TFCP2: variants seen among roughly 807,000 people sequenced by gnomAD.
TFCP2 encodes the protein alpha-globin transcription factor CP2.
TFCP2 carries 33 observed loss-of-function variants against 73.4 expected under a neutral mutation model. The ratio of observed to expected loss-of-function variants is 0.45; its 90% confidence interval spans 0.34 to 0.60. The LOEUF (loss-of-function observed/expected upper bound fraction) is 0.60. TFCP2 is among the 20% of genes least tolerant of loss of function. The probability of loss-of-function intolerance (pLI) is 0.01; values close to 1 mark genes in which losing one functional copy is unlikely to be tolerated. For missense variants in TFCP2, 352 were observed against 604.0 expected (o/e 0.58, Z 4.37); for synonymous variants, 193 against 211.6 (o/e 0.91, Z 0.76).
rs1014306078 is a variant in TFCP2, at chr12:51,128,501, AC to A, written c.123-9730del. Among the ~76,000 whole-genome samples the A allele has an allele frequency of 5.9e-5, 9 of 151,882 alleles. No homozygotes were observed. In the South Asian group the frequency reaches 8.3e-4, roughly 14 times the overall value. On this transcript the variant is annotated intron_variant, in intron 1 of 14. Transcript: ENST00000257915. ...AATAAAAAAAAAAAAAACAAAAAAA[AC>A]AAACTAGTATTGGGAACATCTAGAA...
chr12:51,109,387 C>CA, intron 5 of TFCP2, 114 bp from the exon 6 acceptor site: 1 of 997,120 alleles, frequency 1.0e-6, no homozygotes, highest in Non-Finnish European at 1.5e-6. Flanking sequence ...TGAATACCTA[C>CA]AAAAAACACT....
chr12:51,138,286 C>T (rs67293043), intron 1 of TFCP2, among the ~76,000 whole-genome samples: 25,510 of 151,642 alleles, frequency 0.17, 2,385 homozygotes, highest in South Asian at 0.26. Context: ...GGATTACAGG[C>T]GCACTCCTAT....
chr12:51,155,950 G>A (rs553231491), intron 1 of TFCP2, among the ~76,000 whole-genome samples: 1 of 151,662 alleles, frequency 6.6e-6, no homozygotes, highest in Non-Finnish European at 1.5e-5. Flanking sequence ...GCTTTGGCAC[G>A]AGATTCATTT....
intron 14 of TFCP2, 66 bp downstream of exon 14, chr12:51,095,923 T>C (rs1939955263): frequency 4.7e-6 from 6 of 1,280,402 alleles, no homozygotes; most frequent in Non-Finnish European, 6.7e-6. Context: ...CAAAGAAGTA[T>C]GTACTTTGCC....
chr12:51,106,590 C>T lies in TFCP2; in HGVS notation c.852G>A (p.Thr284=), dbSNP rs370327014. The T allele has an allele frequency of 1.1e-5, 17 of 1,613,236 alleles. No homozygotes were observed. Among genetic ancestry groups the T allele is most frequent in the African/African-American group, 2.7e-5 (2 of 74,864 alleles). ...LTECSPWPEI[T]YVNNSPSPGF... Reference sequence around the variant, plus strand: ...CAGGTGATGGGGAGTTATTGACATACGTGATCTCGGGCCATGGAGAACACT... The same window carrying T: ...CAGGTGATGGGGAGTTATTGACATATGTGATCTCGGGCCATGGAGAACACT... The change falls in exon 8 of 15, where the codon ACG becomes ACA. Residue 284 remains threonine (T), a synonymous_variant. Coordinates refer to ENST00000257915, the MANE Select transcript of TFCP2 (RefSeq NM_005653.5).
intron 1 of TFCP2, among the ~76,000 whole-genome samples, chr12:51,131,810 A>C (rs1429691844): frequency 6.6e-6 from 1 of 152,172 alleles, no homozygotes; most frequent in Admixed American, 6.6e-5. Flanking sequence ...TTTAAAAATA[A>C]AATTATTTTA....
chr12:51,095,076 AAC>A lies in TFCP2; in HGVS notation c.*163_*164del, dbSNP rs1291817644. ...TGTGTGTACCACAAGAGCTTGGGCC[AAC>A]ACAGAGGGCCAGGATTCTGCCTCCA... is the stretch of plus-strand genomic sequence containing the variant. On this transcript the variant is annotated 3_prime_UTR_variant, in exon 15 of 15. Transcript: ENST00000257915. The A allele has an allele frequency of 1.2e-5, 9 of 753,176 alleles. No individual in the cohort carries two copies. Among genetic ancestry groups the A allele is most frequent in the Non-Finnish European group, 2.1e-5 (9 of 433,196 alleles). 46.7% of individuals were successfully genotyped at this position (753,176 alleles called of 1,614,324 possible).
chr12:51,137,992 G>A lies in TFCP2; in HGVS notation c.123-19220C>T, dbSNP rs533210167. 3.3e-5 allele frequency among the ~76,000 whole-genome samples: 5 copies of A among 152,300 alleles called. No homozygotes were observed. In the South Asian group the frequency reaches 1.0e-3, roughly 32 times the overall value. ...CACTATTACCTCTCTATACTTGAGA[G>A]TTCTTATGTCTTGCTCATCCTGTAC... On this transcript the variant is annotated intron_variant, in intron 1 of 14. Transcript: ENST00000257915.
intron 10 of TFCP2, 101 bp downstream of exon 10, chr12:51,103,569 A>G: frequency 2.5e-6 from 2 of 790,214 alleles, no homozygotes; most frequent in Non-Finnish European, 4.1e-6. Flanking sequence ...AAGATCTCTC[A>G]TACACATATA....
At position 51,103,711 on chromosome 12, in the gene TFCP2, T is replaced by C. The variant is rs1012545595; in HGVS notation, c.1019A>G (p.Asn340Ser). 1 of 1,613,966 alleles carries C rather than the reference T, an allele frequency of 6.2e-7. No individual in the cohort carries two copies. The highest frequency in any genetic ancestry group is 8.5e-7 in the Non-Finnish European group (1 of 1,180,008). Residue 340 changes from asparagine to serine, a missense_variant, in exon 10 of 15, where the codon AAT becomes AGT. By Grantham distance (46) the Asn-to-Ser change is conservative. Around this residue, in one of 6 missense-constraint regions of TFCP2, gnomAD observed 194 missense variants for 256.3 expected, o/e 0.76. Coordinates refer to ENST00000257915, the MANE Select transcript of TFCP2 (RefSeq NM_005653.5). ...AAGCCTTGTGAATGTAGAAAAACGA[T>C]TTCGATGCAACCACTGCTGAGCTTC... ...PQEAQQWLHR[N>S]RFSTFTRLFT... is the part of the protein sequence containing the mutation.
chr12:51,098,788 G>A lies in TFCP2; in HGVS notation c.1407C>T (p.Leu469=), dbSNP rs1940032146. The change falls in exon 13 of 15, where the codon CTC becomes CTT. Residue 469 remains leucine, a synonymous_variant. Coordinates refer to ENST00000257915, the MANE Select transcript of TFCP2 (RefSeq NM_005653.5). ...CTGAAAAATCTACCTCATCACTGATGAGCACATGAATTCCTGTTGGCCCCT... is the reference window on the plus strand; with the variant it reads ...CTGAAAAATCTACCTCATCACTGATAAGCACATGAATTCCTGTTGGCCCCT... The part of the protein sequence containing the change: ...YKQGPTGIHV[L]ISDEMIQNFQ... The A allele has an allele frequency of 6.2e-7, 1 of 1,613,984 alleles. No individual in the cohort carries two copies. The highest frequency in any genetic ancestry group is 1.3e-5 in the African/African-American group (1 of 74,866).
intron 1 of TFCP2, among the ~76,000 whole-genome samples, chr12:51,149,060 G>A (rs1371347459): frequency 1.1e-5 from 1 of 90,966 alleles, no homozygotes; most frequent in Non-Finnish European, 2.7e-5. Flanking sequence ...AAGAAAATGT[G>A]GTATATATAC....
At chr12:51,157,809 G>T (rs908584273) in intron 1 of TFCP2, among the ~76,000 whole-genome samples, 6 of 148,026 alleles carry the variant, frequency 4.1e-5, no homozygotes, top group Non-Finnish European at 7.4e-5. Context: ...TCCTGCCTCA[G>T]CCTCCCAAGT....
chr12:51,124,757 T>C lies in TFCP2; in HGVS notation c.123-5985A>G, dbSNP rs570931261. On this transcript the variant is annotated intron_variant, in intron 1 of 14. Transcript: ENST00000257915. ...CCTCAGCAGAGATCACGGCTGCCTT[T>C]TTCTGCTGCTCAACCTTTTTCTGCT... is the stretch of plus-strand genomic sequence containing the variant. 6.6e-6 allele frequency: 5 copies of C among 752,494 alleles called. No homozygotes were observed. The African/African-American group carries it at 8.5e-5, about 13-fold the overall frequency. 46.6% of individuals were successfully genotyped at this position (752,494 alleles called of 1,614,324 possible).
chr12:51,163,127 C>T (rs921119537), intron 1 of TFCP2: 9 of 152,132 alleles, frequency 5.9e-5, no homozygotes, highest in African/African-American at 1.9e-4. Flanking sequence ...TGATGAAACC[C>T]TGTCTCTTCA....
intron 1 of TFCP2, among the ~76,000 whole-genome samples, chr12:51,150,901 C>A (rs1941408144): frequency 6.6e-6 from 1 of 151,986 alleles, no homozygotes; most frequent in African/African-American, 2.4e-5. Context: ...AAAATCCCTT[C>A]TTTTATGAAG....
intron 1 of TFCP2, among the ~76,000 whole-genome samples, chr12:51,157,563 A>C (rs1264187623): frequency 6.6e-6 from 1 of 151,802 alleles, no homozygotes; most frequent in African/African-American, 2.4e-5. Context: ...AAAAGCATAG[A>C]GATTACACAT....
chr12:51,159,425 G>A (rs1201971443), intron 1 of TFCP2, among the ~76,000 whole-genome samples: 2 of 151,250 alleles, frequency 1.3e-5, no homozygotes, highest in African/African-American at 2.4e-5. Context: ...GCAAACTCCC[G>A]CCTCCCAGGT....
rs60027051 is a variant in TFCP2 at position 51,096,715 on chromosome 12, T to C, written c.1420-675A>G. ...TAATTTCTGGTATATAATTCTGAAG[T>C]ATAATCTAATGACATTGTCATTACA... On this transcript the variant is annotated intron_variant, in intron 13 of 14. Transcript: ENST00000257915. Among the ~76,000 whole-genome samples, 342 of 152,322 alleles carry C rather than the reference T, an allele frequency of 2.2e-3. 3 individuals carry two copies. The East Asian group carries it at 0.027, about 12-fold the overall frequency.
Sources: allele counts gnomAD v4.1 joint callset (sites outside exome capture counted in the v4.1 genomes callset), GRCh38; gene constraint gnomAD v4.1.1; regional missense constraint gnomAD v4.1.1; transcripts MANE v1.5; gene names NCBI Gene and HGNC (gene_info 2026-07-23, HGNC 2026-07-21).